Variants in SHOX observed in about 807,000 individuals in gnomAD.
The protein encoded by SHOX is short stature homeobox protein.
SHOX carries 12 observed loss-of-function variants against 29.6 expected under a neutral mutation model. The observed-to-expected ratio is 0.41, with a 90% CI of 0.26 to 0.66. SHOX has a LOEUF of 0.66. Among genes scored for constraint, SHOX ranks in the 30% least tolerant of loss-of-function variants. SHOX has a pLI of 0.35. For missense variants in SHOX, 499 were observed against 437.7 expected, an observed-to-expected ratio of 1.14 and a Z score of -1.25; for synonymous variants, 214 against 200.6, an observed-to-expected ratio of 1.07 and a Z score of -0.57.
intron 2 of SHOX, among the ~76,000 whole-genome samples, chrX:635,535 G>T (rs560563835): frequency 6.6e-6 from 1 of 152,132 alleles, no homozygotes; most frequent in Admixed American, 6.5e-5. Flanking sequence ...TGTGGGGAGC[G>T]CAGGAGCACG....
upstream of SHOX, among the ~76,000 whole-genome samples, chrX:629,395 C>G (rs1291358643): frequency 6.6e-6 from 1 of 151,008 alleles, no homozygotes; most frequent in Non-Finnish European, 1.5e-5. Context: ...CTCTCTTTCT[C>G]TCTCTCCATC....
intron 1 of SHOX, among the ~76,000 whole-genome samples, chrX:631,385 G>A (rs767656839): frequency 2.6e-5 from 4 of 152,214 alleles, no homozygotes; most frequent in Admixed American, 6.5e-5. Context: ...CGGGGTGCGG[G>A]GGGACCCAGG....
chrX:632,451 ACAAAGACG>A (rs1167121630), intron 1 of SHOX, among the ~76,000 whole-genome samples: 2 of 152,232 alleles, frequency 1.3e-5, no homozygotes, highest in African/African-American at 4.8e-5. Context: ...TGTTTTCATT[ACAAAGACG>A]CAGAGAATCT....
In SHOX at chrX:631,084, G is replaced by T; in HGVS notation, c.187G>T (p.Gly63Cys). ...DSSLQDITEG[G>C]GHCPVHLFKD... ...CAGCCTCCAGGACATCACGGAGGGC[G>T]GCGGCCACTGCCCGGTGCATTTGTT... Residue 63 changes from glycine (G) to cysteine (C), a missense_variant, in exon 1 of 5, where the codon GGC becomes TGC. Gly to Cys is a radical substitution (Grantham distance 159). Coordinates refer to ENST00000686671, the MANE Select transcript of SHOX (RefSeq NM_000451.4). The T allele has an allele frequency of 6.2e-7, 1 of 1,613,760 alleles. No homozygotes were observed. Among genetic ancestry groups the T allele is most frequent in the Non-Finnish European group, 8.5e-7 (1 of 1,179,860 alleles).
intron 3 of SHOX, 31 bp downstream of exon 3, chrX:640,909 TG>T: frequency 6.2e-7 from 1 of 1,613,578 alleles, no homozygotes; most frequent in Non-Finnish European, 8.5e-7. Flanking sequence ...GACCTGAAGC[TG>T]GGGGATCCTG....
chrX:629,579 GTC>G (rs1201982005), upstream of SHOX, among the ~76,000 whole-genome samples: 1 of 151,276 alleles, frequency 6.6e-6, no homozygotes, highest in East Asian at 2.0e-4. Context: ...CTCCCTGTCT[GTC>G]TCTCTCTTTC....
intron 4 of SHOX, among the ~76,000 whole-genome samples, chrX:642,870 T>C (rs1354685015): frequency 6.0e-5 from 8 of 133,438 alleles, no homozygotes; most frequent in African/African-American, 1.2e-4. Context: ...GGCTTGGAGA[T>C]CTGTTGTCCT....
downstream of SHOX, among the ~76,000 whole-genome samples, chrX:654,418 G>A (rs771246816): frequency 5.3e-5 from 8 of 151,794 alleles, no homozygotes; most frequent in African/African-American, 1.9e-4. Context: ...TAACACATAA[G>A]GACTTGCATA....
intron 5 of SHOX, among the ~76,000 whole-genome samples, chrX:658,101 A>C (rs1256296607): frequency 6.6e-6 from 1 of 151,888 alleles, no homozygotes; most frequent in Non-Finnish European, 1.5e-5. Context: ...CAGCCTCCCG[A>C]GTAGCTGGGA....
At chrX:633,378 G>A (rs1478585287) in intron 1 of SHOX, among the ~76,000 whole-genome samples, 1 of 152,020 alleles carries the variant, frequency 6.6e-6, no homozygotes, top group South Asian at 2.1e-4. Context: ...GATTCACTTG[G>A]GGGGAAGGAA....
chrX:641,776 A>G (rs1024912853), intron 4 of SHOX, among the ~76,000 whole-genome samples: 7 of 152,012 alleles, frequency 4.6e-5, no homozygotes, highest in Admixed American at 2.0e-4. Context: ...GACAAAAACC[A>G]GAGGGGTGAA....
At chrX:642,598 G>A (rs1199965683) in intron 4 of SHOX, among the ~76,000 whole-genome samples, 3 of 152,234 alleles carry the variant, frequency 2.0e-5, no homozygotes, top group African/African-American at 7.2e-5. Flanking sequence ...TGAGGTGGGG[G>A]AACGAGCCTA....
chrX:638,496 A>C (rs982876092), intron 2 of SHOX, among the ~76,000 whole-genome samples: 1 of 152,090 alleles, frequency 6.6e-6, no homozygotes, highest in African/African-American at 2.4e-5. Context: ...TTATTGGTGA[A>C]TTTCGATGTC....
chrX:639,147 T>G (rs1368920594), intron 2 of SHOX, among the ~76,000 whole-genome samples: 1 of 152,206 alleles, frequency 6.6e-6, no homozygotes, highest in Non-Finnish European at 1.5e-5. Flanking sequence ...AATCTTCACA[T>G]GAGGCCTGTG....
In SHOX at chrX:634,675, A is replaced by C. The variant is rs757391565; in HGVS notation, c.335A>C (p.Gln112Pro). 14 of 1,613,834 alleles carry C rather than the reference A, an allele frequency of 8.7e-6. No homozygotes were observed. In the East Asian group the frequency reaches 8.9e-5, roughly 10 times the overall value. Residue 112 changes from glutamine to proline, a missense_variant, in exon 2 of 5, where the codon CAG becomes CCG. By Grantham distance (76) the Gln-to-Pro change is moderately conservative. Transcript: ENST00000686671. ...EDVKSEDEDG[Q>P]TKLKQRRSRT... ...GTGAAGTCGGAGGACGAGGACGGGC[A>C]GACCAAGCTGAAACAGAGGCGCAGC...
upstream of SHOX, among the ~76,000 whole-genome samples, chrX:627,211 T>G (rs1326716558): frequency 1.3e-5 from 2 of 152,158 alleles, no homozygotes; most frequent in Non-Finnish European, 2.9e-5. Flanking sequence ...TGCAAAACAT[T>G]TCATACAGTC....
chrX:644,728 C>A lies in SHOX; in HGVS notation c.*92C>A, dbSNP rs2052933199. ...CTGCACTCAACCCCGCCTGGAGCTC[C>A]TTCCGCGGCCACCGTGCTCCGGGCA... On this transcript the variant is annotated 3_prime_UTR_variant, in exon 5 of 5. Transcript: ENST00000686671. The A allele has an allele frequency of 7.5e-7, 1 of 1,333,064 alleles. No individual in the cohort carries two copies. The highest frequency in any genetic ancestry group is 1.6e-5 in the African/African-American group (1 of 64,250). The allele number at this position is 1,333,064 out of a possible 1,614,324, so 82.6% of individuals were successfully genotyped here. A position where few individuals can be genotyped will look rare whatever the true frequency, so the allele number is the denominator to read the frequency against.
exon 1 of SHOX, chrX:624,536 C>G (rs1234247053): frequency 1.3e-5 from 2 of 152,096 alleles, no homozygotes; most frequent in Non-Finnish European, 2.9e-5. Flanking sequence ...GAGGTGGTGA[C>G]CGCGCTGGGG....
intron 2 of SHOX, 25 bp downstream of exon 2, chrX:634,851 G>T: frequency 6.5e-7 from 1 of 1,546,970 alleles, no homozygotes; most frequent in Non-Finnish European, 8.7e-7. Context: ...GCGGGGGCGG[G>T]GGGCCCGGAG....
Sources: gnomAD v4.1 joint callset for allele counts (sites outside exome capture counted in the v4.1 genomes callset) on GRCh38, gnomAD v4.1.1 for gene constraint, MANE v1.5 for transcripts, NCBI Gene and HGNC (gene_info 2026-07-23, HGNC 2026-07-21) for gene names.